The following PIPOX variants were observed in gnomAD, a reference collection of about 807,000 sequenced individuals.
PIPOX encodes pipecolic acid and sarcosine oxidase.
In PIPOX, 45 loss-of-function variants were observed where a neutral mutation model predicts 47.9. The observed-to-expected ratio is 0.94, with a 90% CI of 0.74 to 1.20. PIPOX has a LOEUF of 1.20. Ranked by LOEUF, PIPOX falls within the 50% of genes most tolerant of loss-of-function variation. The probability of loss-of-function intolerance (pLI) is 0.00; values close to 1 mark genes in which losing one functional copy is unlikely to be tolerated. For synonymous variants in PIPOX, 165 were observed against 191.3 expected (o/e 0.86, Z 1.13); for missense variants, 458 against 498.4 (o/e 0.92, Z 0.77).
At chr17:29,056,051 G>T in intron 7 of PIPOX, 124 bp from the exon 8 acceptor site, 1 of 1,347,162 alleles carries the variant, frequency 7.4e-7, no homozygotes, top group Non-Finnish European at 1.1e-6. Flanking sequence ...CATGGTGGGA[G>T]GCCACTTCTG....
intron 2 of PIPOX, chr17:29,052,108 C>T: frequency 2.2e-6 from 1 of 457,354 alleles, no homozygotes; most frequent in Middle Eastern, 3.3e-4. Flanking sequence ...AACAGGCAGC[C>T]TCTGAGGAAT....
At position 29,057,060 on chromosome 17, in the gene PIPOX, C is replaced by T. The variant is rs1277493772; in HGVS notation, c.*755C>T. The T allele has an allele frequency of 6.6e-6, 1 of 152,082 alleles. No individual in the cohort carries two copies. The highest frequency in any genetic ancestry group is 2.1e-4 in the South Asian group (1 of 4,812). The allele number at this position is 152,082 out of a possible 1,614,324, so 9.4% of individuals were successfully genotyped here. A position where few individuals can be genotyped will look rare whatever the true frequency, so the allele number is the denominator to read the frequency against. On this transcript the variant is annotated 3_prime_UTR_variant, in exon 8 of 8. Transcript: ENST00000323372. ...TGGGATGGATTTGACTAAATCTGCC[C>T]CGAGGAGGGTGAACAAGGTGATCTC...
At chr17:29,047,690 TA>T (rs5819860) in intron 2 of PIPOX, among the ~76,000 whole-genome samples, 3 of 151,760 alleles carry the variant, frequency 2.0e-5, no homozygotes, top group East Asian at 1.9e-4. Context: ...TTCTTTGGAT[TA>T]AAAAAAATCA....
intron 2 of PIPOX, 96 bp downstream of exon 2, chr17:29,045,103 A>G (rs1403691675): frequency 8.9e-6 from 12 of 1,351,266 alleles, no homozygotes; most frequent in Non-Finnish European, 1.2e-5. Context: ...TTTGGAATGC[A>G]ATGGGAGGGA....
rs1405051131 is a variant in PIPOX, at chr17:29,055,178, A to G, written c.923A>G (p.Asp308Gly). 6.2e-7 allele frequency: 1 copy of G among 1,614,086 alleles called. No homozygotes were observed. The highest frequency in any genetic ancestry group is 2.2e-5 in the East Asian group (1 of 44,880). ...AGCTTTGTCAGAGATCACTTACCTG[A>G]TCTGAAGCCCGAGCCTGCTGTCATT... is the stretch of plus-strand genomic sequence containing the variant. ...LSSFVRDHLP[D>G]LKPEPAVIES... is the part of the protein sequence containing the mutation. The change falls in exon 6 of 8, where the codon GAT (aspartate) becomes GGT (glycine). Residue 308 changes from aspartate to glycine, a missense_variant. Asp to Gly is a moderately conservative substitution (Grantham distance 94). Transcript: ENST00000323372.
chr17:29,052,257 G>A (rs1260961314), intron 2 of PIPOX, among the ~76,000 whole-genome samples: 5 of 152,222 alleles, frequency 3.3e-5, no homozygotes, highest in African/African-American at 4.8e-5. Context: ...AGGAAGGGAA[G>A]AAATTTCATC....
intron 2 of PIPOX, among the ~76,000 whole-genome samples, chr17:29,048,337 G>A (rs1376017178): frequency 1.3e-5 from 2 of 152,134 alleles, no homozygotes; most frequent in Admixed American, 6.6e-5. Flanking sequence ...GCTATTTGAT[G>A]ATGATTAAAA....
Position 29,056,295 on chromosome 17 carries a change from C to T in PIPOX, c.1163C>T (p.Ala388Val), listed in dbSNP as rs750103410. 6 of 1,614,056 alleles carry T rather than the reference C, an allele frequency of 3.7e-6. No individual in the cohort carries two copies. Among genetic ancestry groups the T allele is most frequent in the African/African-American group, 2.7e-5 (2 of 74,932 alleles). The change falls in exon 8 of 8, where the codon GCC (alanine) becomes GTC (valine). Residue 388 changes from alanine to valine, a missense_variant. Coordinates refer to ENST00000323372, the MANE Select transcript of PIPOX (RefSeq NM_016518.3). Reference protein sequence around the residue: ...RISRFPSLGKAHL With the variant: ...RISRFPSLGKVHL ...AGCCGTTTCCCAAGCCTGGGCAAAG[C>T]CCACCTTTGACCTCTGGCCAGAAGC...
intron 2 of PIPOX, chr17:29,046,980 A>G (rs1002324897): frequency 6.5e-6 from 1 of 153,542 alleles, no homozygotes; most frequent in African/African-American, 2.4e-5. Context: ...CTCACCATAT[A>G]TGTAGTGTTT....
Position 29,054,576 on chromosome 17 carries a change from AGAT to A in PIPOX, c.694_696del (p.Met232del). On this transcript the variant is annotated inframe_deletion, in exon 5 of 8. Transcript: ENST00000323372. ...CGGATCAACGTGTGTTACTGGCGAG[AGAT>A]GGTTCCTGGGAGCTATGGTGTGTCC... 6.2e-7 allele frequency: 1 copy of A among 1,614,006 alleles called. No homozygotes were observed. Among genetic ancestry groups the A allele is most frequent in the Non-Finnish European group, 8.5e-7 (1 of 1,180,018 alleles).
At chr17:29,044,306 AAGTGAGGTG>A (rs763988677) in intron 1 of PIPOX, 3 of 152,224 alleles carry the variant, frequency 2.0e-5, no homozygotes, top group Non-Finnish European at 4.4e-5. Flanking sequence ...TTGTGAATCT[AAGTGAGGTG>A]AGATTGCAGC....
chr17:29,057,151 CATA>C lies in PIPOX; in HGVS notation c.*848_*850del. On this transcript the variant is annotated 3_prime_UTR_variant, in exon 8 of 8. Transcript: ENST00000323372. The stretch of plus-strand genomic sequence containing the variant: ...AAGGCCAGCCTCCATCACAAATGCC[CATA>C]AAATCTGGCTCGTCTTTGATGAACA... The C allele has an allele frequency of 6.6e-6, 1 of 152,146 alleles. No homozygotes were observed. Among genetic ancestry groups the C allele is most frequent in the Non-Finnish European group, 1.5e-5 (1 of 68,030 alleles). 9.4% of individuals were successfully genotyped at this position (152,146 alleles called of 1,614,324 possible).
At chr17:29,051,954 G>A (rs1448787394) in intron 2 of PIPOX, 21 of 470,782 alleles carry the variant, frequency 4.5e-5, no homozygotes, top group Non-Finnish European at 7.5e-5. Flanking sequence ...CCACCCTGGT[G>A]TGGAACCATC....
intron 2 of PIPOX, among the ~76,000 whole-genome samples, chr17:29,051,531 A>C (rs897356277): frequency 1.3e-5 from 2 of 152,252 alleles, no homozygotes; most frequent in African/African-American, 4.8e-5. Context: ...GCAGTGCAGC[A>C]GCTGCAATGG....
Position 29,056,288 on chromosome 17 carries a change from G to A in PIPOX, c.1156G>A (p.Gly386Ser). ...TCGAATCAGCCGTTTCCCAAGCCTG[G>A]GCAAAGCCCACCTTTGACCTCTGGC... ...PFRISRFPSL[G>S]KAHL Residue 386 changes from glycine to serine, a missense_variant, in exon 8 of 8, where the codon GGC (glycine) becomes AGC (serine). Coordinates refer to ENST00000323372, the MANE Select transcript of PIPOX (RefSeq NM_016518.3). 6.2e-7 allele frequency: 1 copy of A among 1,614,164 alleles called. No homozygotes were observed. The highest frequency in any genetic ancestry group is 8.5e-7 in the Non-Finnish European group (1 of 1,180,034).
At position 29,055,107 on chromosome 17, in the gene PIPOX, C is replaced by G; in HGVS notation, c.852C>G (p.Asp284Glu). 6.2e-7 allele frequency: 1 copy of G among 1,614,168 alleles called. No individual in the cohort carries two copies. The highest frequency in any genetic ancestry group is 1.1e-5 in the South Asian group (1 of 91,072). Residue 284 changes from aspartate (D) to glutamate (E), a missense_variant, in exon 6 of 8, where the codon GAC (aspartate) becomes GAG (glutamate). Coordinates refer to ENST00000323372, the MANE Select transcript of PIPOX (RefSeq NM_016518.3). ...HGNHADPEER[D>E]CPTARTDIGD... ...ACCACGCAGACCCTGAGGAGCGGGA[C>G]TGCCCCACAGCACGCACAGACATCG... is the stretch of plus-strand genomic sequence containing the variant.
At chr17:29,054,504 A>G in intron 4 of PIPOX, 41 bp from the exon 5 acceptor site, 1 of 1,610,262 alleles carries the variant, frequency 6.2e-7, no homozygotes, top group Non-Finnish European at 8.5e-7. Flanking sequence ...GTAGAGTTCC[A>G]TGGCTTTTCT....
chr17:29,051,920 G>T (rs1482083742), intron 2 of PIPOX: 6 of 469,864 alleles, frequency 1.3e-5, no homozygotes, highest in Non-Finnish European at 2.6e-5. Flanking sequence ...AGTTGTCCCT[G>T]GGTGGGCGGG....
chr17:29,056,993 A>C lies in PIPOX; in HGVS notation c.*688A>C, dbSNP rs1047835077. 1 of 151,990 alleles carries C rather than the reference A, an allele frequency of 6.6e-6. No individual in the cohort carries two copies. Among genetic ancestry groups the C allele is most frequent in the African/African-American group, 2.4e-5 (1 of 41,346 alleles). 9.4% of individuals were successfully genotyped at this position (151,990 alleles called of 1,614,324 possible). A position where few individuals can be genotyped will look rare whatever the true frequency, so the allele number is the denominator to read the frequency against. ...AGTGAGACTCTGTCTCAAAAAAAAA[A>C]CAAAACAAAAAAAACCTCTTTGCTG... On this transcript the variant is annotated 3_prime_UTR_variant, in exon 8 of 8. Transcript: ENST00000323372.
Sources: allele counts gnomAD v4.1 joint callset (sites outside exome capture counted in the v4.1 genomes callset), GRCh38; gene constraint gnomAD v4.1.1; transcripts MANE v1.5; gene names NCBI Gene and HGNC (gene_info 2026-07-23, HGNC 2026-07-21).